Variants in PCDHGB4 observed in about 807,000 individuals in gnomAD.
The protein encoded by PCDHGB4 is protocadherin gamma-B4.
PCDHGB4 carries 38 observed loss-of-function variants against 60.5 expected under a neutral mutation model. The ratio of observed to expected loss-of-function variants is 0.63; its 90% confidence interval spans 0.48 to 0.82. The LOEUF (loss-of-function observed/expected upper bound fraction) is 0.82, where lower values mean the gene tolerates loss of function less well. Among genes scored for constraint, PCDHGB4 ranks in the 40% least tolerant of loss-of-function variants. PCDHGB4 has a pLI of 0.00. For missense variants in PCDHGB4, 1,109 were observed against 1,209.6 expected (o/e 0.92, Z 1.23); for synonymous variants, 456 against 509.7 (o/e 0.89, Z 1.42).
intron 1 of PCDHGB4, among the ~76,000 whole-genome samples, chr5:141,462,479 GGTT>G (rs1329069527): frequency 6.6e-6 from 1 of 151,838 alleles, no homozygotes; most frequent in Non-Finnish European, 1.5e-5. Flanking sequence ...TGCTTCTCGT[GGTT>G]GTTGTATCCT....
intron 1 of PCDHGB4, among the ~76,000 whole-genome samples, chr5:141,475,007 G>A (rs1017671344): frequency 2.0e-5 from 3 of 152,178 alleles, no homozygotes; most frequent in East Asian, 1.9e-4. Flanking sequence ...ATGCAGAAAA[G>A]TTAAGGCTCT....
In PCDHGB4 at chr5:141,487,678, C is replaced by T. The variant is rs1416406108; in HGVS notation, c.2398-7129C>T. ...ATTCTGATCCAGGCATATGGCTAGG[C>T]CATGTCCTAGAGAGTACTGGCCTCT... On this transcript the variant is annotated intron_variant, in intron 1 of 3. Transcript: ENST00000519479. The surrounding 1 kb of genome is among the most constrained non-coding windows in gnomAD (Gnocchi z 5.0). 6.2e-7 allele frequency: 1 copy of T among 1,609,696 alleles called. No individual in the cohort carries two copies. Among genetic ancestry groups the T allele is most frequent in the South Asian group, 1.1e-5 (1 of 90,230 alleles).
In PCDHGB4 at chr5:141,388,120, C is replaced by G. The variant is rs945677635; in HGVS notation, c.236C>G (p.Ala79Gly). The G allele has an allele frequency of 2.8e-6, 4 of 1,422,500 alleles. No homozygotes were observed. The African/African-American group carries it at 5.8e-5, about 20-fold the overall frequency. 88.1% of individuals were successfully genotyped at this position (1,422,500 alleles called of 1,614,324 possible). Residue 79 changes from alanine to glycine, a missense_variant, in exon 1 of 4, where the codon GCA becomes GGA. Ala to Gly is a moderately conservative substitution (Grantham distance 60). Coordinates refer to ENST00000519479, the MANE Select transcript of PCDHGB4 (RefSeq NM_003736.4). ...SSEKPYFTVS[A>G]ESGELLVSSR... ...GAGAAGCCTTACTTCACCGTGAGCG[C>G]AGAGAGCGGGGAGTTGCTTGTGAGC...
At chr5:141,483,648 T>TTGTGTGTGTG (rs111458813) in intron 1 of PCDHGB4, among the ~76,000 whole-genome samples, 23 of 149,708 alleles carry the variant, frequency 1.5e-4, no homozygotes, top group African/African-American at 3.9e-4. Context: ...GGGTGTGTGT[T>TTGTGTGTGTG]TGTGTGTGTG....
intron 1 of PCDHGB4, chr5:141,423,117 G>A (rs1429958385): frequency 6.2e-7 from 1 of 1,613,698 alleles, no homozygotes; most frequent in Non-Finnish European, 8.5e-7. Flanking sequence ...TGCGTACAGC[G>A]CGGGCACTGC....
chr5:141,487,237 T>G lies in PCDHGB4; in HGVS notation c.2398-7570T>G, dbSNP rs1327004790. ...CAGCTCCAAGGGAAGGAGAATCTCGTCTAACCCTCTACTTGGCTGTGTCCC... is the reference window on the plus strand; with the variant it reads ...CAGCTCCAAGGGAAGGAGAATCTCGGCTAACCCTCTACTTGGCTGTGTCCC... On this transcript the variant is annotated intron_variant, in intron 1 of 3. Transcript: ENST00000519479. This position sits in a 1 kb window ranked among gnomAD's most constrained non-coding sequence, Gnocchi z 5.0. 1.2e-6 allele frequency: 2 copies of G among 1,614,004 alleles called. No individual in the cohort carries two copies. The highest frequency in any genetic ancestry group is 1.7e-6 in the Non-Finnish European group (2 of 1,179,988).
chr5:141,420,980 C>T (rs1463868271), intron 1 of PCDHGB4: 1 of 484,260 alleles, frequency 2.1e-6, no homozygotes, highest in Non-Finnish European at 3.6e-6. Flanking sequence ...AGAATGGGCT[C>T]TAGGCGCCGC....
At chr5:141,446,339 G>A (rs1455819111) in intron 1 of PCDHGB4, among the ~76,000 whole-genome samples, 1 of 152,164 alleles carries the variant, frequency 6.6e-6, no homozygotes, top group Non-Finnish European at 1.5e-5. Flanking sequence ...GAACTGGATG[G>A]ACAAAGCTAC....
At chr5:141,469,081 A>C (rs1451214440) in intron 1 of PCDHGB4, among the ~76,000 whole-genome samples, 1 of 151,790 alleles carries the variant, frequency 6.6e-6, no homozygotes, top group Non-Finnish European at 1.5e-5. Context: ...GTTTGAGACC[A>C]TTCTAGGCAA....
intron 1 of PCDHGB4, among the ~76,000 whole-genome samples, chr5:141,438,349 C>G (rs892834423): frequency 6.6e-6 from 1 of 151,762 alleles, no homozygotes; most frequent in Non-Finnish European, 1.5e-5. Flanking sequence ...AGGATCTACT[C>G]TGTGTATTGT....
chr5:141,415,552 G>T (rs1244457142), intron 1 of PCDHGB4: 3 of 1,613,980 alleles, frequency 1.9e-6, no homozygotes, highest in African/African-American at 2.7e-5. Flanking sequence ...TGAGAAAAAC[G>T]ATCCTTTGTC....
intron 1 of PCDHGB4, chr5:141,404,042 A>G: frequency 3.1e-6 from 5 of 1,613,892 alleles, no homozygotes; most frequent in Non-Finnish European, 4.2e-6. Context: ...ACCTCAGGGA[A>G]CAGTAATTCT....
In PCDHGB4 at chr5:141,486,334, C is replaced by T; in HGVS notation, c.2398-8473C>T. 1.2e-6 allele frequency: 2 copies of T among 1,614,098 alleles called. No individual in the cohort carries two copies. ...CAGGGTCAAACGGAGATGTGAGCCT[C>T]CGCATTCCTGACCACTTGCCATTTG... On this transcript the variant is annotated intron_variant, in intron 1 of 3. Coordinates refer to ENST00000519479, the MANE Select transcript of PCDHGB4 (RefSeq NM_003736.4). This position sits in a 1 kb window ranked among gnomAD's most constrained non-coding sequence, Gnocchi z 5.0.
intron 1 of PCDHGB4, among the ~76,000 whole-genome samples, chr5:141,438,587 CAT>C (rs1372372472): frequency 3.8e-4 from 28 of 73,432 alleles, no homozygotes; most frequent in African/African-American, 1.4e-3. Flanking sequence ...TACATACATA[CAT>C]ACATATATAT....
chr5:141,431,828 C>T lies in PCDHGB4; in HGVS notation c.2397+41547C>T. The T allele has an allele frequency of 6.2e-7, 1 of 1,610,208 alleles. No individual in the cohort carries two copies. Among genetic ancestry groups the T allele is most frequent in the Non-Finnish European group, 8.5e-7 (1 of 1,176,374 alleles). On this transcript the variant is annotated intron_variant, in intron 1 of 3. Transcript: ENST00000519479. This position sits in a 1 kb window ranked among gnomAD's most constrained non-coding sequence, Gnocchi z 4.8. Reference sequence around the variant, plus strand: ...CCTCACCTCTCTCGCCAGCTCGGTTCCCGAAAACTCTCCCAGAGGGACATT... The same window carrying T: ...CCTCACCTCTCTCGCCAGCTCGGTTTCCGAAAACTCTCCCAGAGGGACATT...
chr5:141,427,936 G>A, intron 1 of PCDHGB4: 1 of 1,584,966 alleles, frequency 6.3e-7, no homozygotes, highest in Admixed American at 1.7e-5. Context: ...ATGTTGGTGG[G>A]CGACCTCAAT....
At chr5:141,450,831 T>TA (rs761717068) in intron 1 of PCDHGB4, among the ~76,000 whole-genome samples, 7,796 of 144,584 alleles carry the variant, frequency 0.054, 354 homozygotes, top group African/African-American at 0.12. Context: ...TTATTATTAT[T>TA]TTTTTTTTTT....
In PCDHGB4 at chr5:141,409,653, A is replaced by G. The variant is rs763812886; in HGVS notation, c.2397+19372A>G. 10 of 1,613,542 alleles carry G rather than the reference A, an allele frequency of 6.2e-6. No homozygotes were observed. The East Asian group carries it at 8.9e-5, about 14-fold the overall frequency. ...GCCTCTGACCCGGATTTGGGGCTCAATGGCCACATCTCCTACTCTATAGTG... is the reference window on the plus strand; with the variant it reads ...GCCTCTGACCCGGATTTGGGGCTCAGTGGCCACATCTCCTACTCTATAGTG... On this transcript the variant is annotated intron_variant, in intron 1 of 3. Transcript: ENST00000519479.
At chr5:141,443,321 A>AC (rs1175439570) in intron 1 of PCDHGB4, among the ~76,000 whole-genome samples, 1 of 151,616 alleles carries the variant, frequency 6.6e-6, no homozygotes, top group African/African-American at 2.4e-5. Flanking sequence ...TCTCTACAAA[A>AC]AAAAAAAACA....
Sources: gnomAD v4.1 joint callset for allele counts (sites outside exome capture counted in the v4.1 genomes callset) on GRCh38, gnomAD v4.1.1 for gene constraint, Gnocchi (gnomAD v3.1) non-coding constraint, MANE v1.5 for transcripts, NCBI Gene and HGNC (gene_info 2026-07-23, HGNC 2026-07-21) for gene names.